Variants in SERGEF observed in about 807,000 individuals in gnomAD.
The protein encoded by SERGEF is secretion regulating guanine nucleotide exchange factor.
SERGEF carries 51 observed loss-of-function variants against 50.0 expected under a neutral mutation model. The ratio of observed to expected loss-of-function variants is 1.02; its 90% CI spans 0.81 to 1.29. The LOEUF is 1.29. Among genes scored for constraint, SERGEF ranks in the 50% most tolerant of loss-of-function variants. SERGEF has a pLI of 0.00. For missense variants in SERGEF, 521 were observed against 557.0 expected (o/e 0.94, Z 0.65); for synonymous variants, 205 against 212.4 (o/e 0.97, Z 0.30).
At chr11:17,829,140 A>C (rs548082713) in intron 10 of SERGEF, among the ~76,000 whole-genome samples, 11 of 152,390 alleles carry the variant, frequency 7.2e-5, no homozygotes, top group South Asian at 2.1e-4. Context: ...AACTGGAATC[A>C]GATAGACCAG....
intron 10 of SERGEF, among the ~76,000 whole-genome samples, chr11:17,820,477 C>T (rs991163370): frequency 6.6e-6 from 1 of 152,158 alleles, no homozygotes. Flanking sequence ...CGGACAAAGC[C>T]AGGTTGCAAT....
chr11:17,919,943 T>C (rs1275802290), intron 9 of SERGEF, among the ~76,000 whole-genome samples: 3 of 120,702 alleles, frequency 2.5e-5, no homozygotes, highest in Non-Finnish European at 5.1e-5. Flanking sequence ...CAAAACTCCA[T>C]CTAAAAAAAA....
In SERGEF at chr11:17,814,112, C is replaced by T. The variant is rs576670252; in HGVS notation, c.1049-25699G>A. 2.0e-5 allele frequency among the ~76,000 whole-genome samples: 3 copies of T among 152,332 alleles called. No homozygotes were observed. In the South Asian group the frequency reaches 6.2e-4, roughly 32 times the overall value. On this transcript the variant is annotated intron_variant, in intron 10 of 10. Coordinates refer to ENST00000265965, the MANE Select transcript of SERGEF (RefSeq NM_012139.4). ...AATGTCTTTGTTGAGAACTCTAACC[C>T]TTACATGGTATGATGGTTAATTTTG...
At chr11:17,964,485 T>C (rs1422429515) in intron 8 of SERGEF, among the ~76,000 whole-genome samples, 1 of 152,082 alleles carries the variant, frequency 6.6e-6, no homozygotes. Context: ...AAAGATAGAT[T>C]AGAGGATCAT....
At position 17,802,438 on chromosome 11, in the gene SERGEF, C is replaced by T. The variant is rs1849688113; in HGVS notation, c.1049-14025G>A. Among the ~76,000 whole-genome samples, 3 of 152,150 alleles carry T rather than the reference C, an allele frequency of 2.0e-5. No homozygotes were observed. In the South Asian group the frequency reaches 6.2e-4, roughly 32 times the overall value. On this transcript the variant is annotated intron_variant, in intron 10 of 10. Coordinates refer to ENST00000265965, the MANE Select transcript of SERGEF (RefSeq NM_012139.4). ...CAGATTCCCCTCCCAGACAAGGGGG[C>T]TAGAGACTTTGAGGCTGAGGCGAGG...
At chr11:17,855,788 G>C (rs2133877054) in intron 10 of SERGEF, 1 of 152,416 alleles carries the variant, frequency 6.6e-6, no homozygotes, top group East Asian at 1.9e-4. Flanking sequence ...GGCCTGGGCT[G>C]AGTGGTGGGA....
intron 7 of SERGEF, among the ~76,000 whole-genome samples, chr11:17,990,503 G>A (rs1008900854): frequency 2.0e-5 from 3 of 152,188 alleles, no homozygotes; most frequent in Non-Finnish European, 4.4e-5. Flanking sequence ...CCATTAAGTG[G>A]ACTGCTGAGC....
At chr11:17,994,310 C>T (rs542596414) in intron 6 of SERGEF, among the ~76,000 whole-genome samples, 3 of 151,818 alleles carry the variant, frequency 2.0e-5, no homozygotes, top group East Asian at 3.9e-4. Context: ...CCTGTCTCTA[C>T]TAAAAATACA....
At chr11:17,801,418 C>T (rs1464623330) in intron 10 of SERGEF, among the ~76,000 whole-genome samples, 2 of 152,146 alleles carry the variant, frequency 1.3e-5, no homozygotes, top group Admixed American at 6.5e-5. Context: ...GAGAACCAGG[C>T]AGTGCAGGAA....
At chr11:17,968,774 GACA>G (rs961276583) in intron 8 of SERGEF, among the ~76,000 whole-genome samples, 1 of 150,332 alleles carries the variant, frequency 6.7e-6, no homozygotes, top group Non-Finnish European at 1.5e-5. Flanking sequence ...GGGAAAGACA[GACA>G]ACAACAACAA....
At chr11:17,923,032 TCTCTC>T (rs1050055366) in intron 9 of SERGEF, among the ~76,000 whole-genome samples, 1 of 152,124 alleles carries the variant, frequency 6.6e-6, no homozygotes, top group African/African-American at 2.4e-5. Flanking sequence ...CCCTTTCACT[TCTCTC>T]CTTCCTCTGA....
chr11:17,893,903 G>A (rs1210501327), intron 9 of SERGEF, among the ~76,000 whole-genome samples: 1 of 152,186 alleles, frequency 6.6e-6, no homozygotes, highest in African/African-American at 2.4e-5. Context: ...CCATGACACT[G>A]AGGGTGTCAG....
At chr11:17,974,057 C>T (rs1244907257) in intron 8 of SERGEF, among the ~76,000 whole-genome samples, 1 of 152,092 alleles carries the variant, frequency 6.6e-6, no homozygotes, top group Admixed American at 6.5e-5. Context: ...AAATGCTTGT[C>T]ACATTCAAAT....
chr11:17,892,850 C>T (rs1268554252), intron 9 of SERGEF, among the ~76,000 whole-genome samples: 1 of 152,192 alleles, frequency 6.6e-6, no homozygotes, highest in Non-Finnish European at 1.5e-5. Context: ...CATACCACTG[C>T]ACTCCAGCCT....
intron 10 of SERGEF, among the ~76,000 whole-genome samples, chr11:17,840,362 G>A (rs1850478048): frequency 6.6e-6 from 1 of 152,104 alleles, no homozygotes; most frequent in African/African-American, 2.4e-5. Flanking sequence ...TATTTCACAT[G>A]GGTATTCACA....
chr11:17,843,463 T>C (rs1463151183), intron 10 of SERGEF, among the ~76,000 whole-genome samples: 1 of 152,200 alleles, frequency 6.6e-6, no homozygotes, highest in Non-Finnish European at 1.5e-5. Flanking sequence ...AAGGAAACTG[T>C]AGTTTAAAGA....
chr11:17,863,607 T>TATTCATTC (rs150695737), intron 10 of SERGEF: 10 of 152,236 alleles, frequency 6.6e-5, no homozygotes, highest in East Asian at 5.8e-4. Flanking sequence ...GTCTGCTTTG[T>TATTCATTC]ATTCATTCAT....
intron 9 of SERGEF, among the ~76,000 whole-genome samples, chr11:17,920,926 T>G (rs576567181): frequency 6.6e-6 from 1 of 152,384 alleles, no homozygotes; most frequent in East Asian, 1.9e-4. Context: ...CTGCCTAGAT[T>G]GTCAAATTAC....
At chr11:18,004,914 C>A (rs211137) in intron 3 of SERGEF, among the ~76,000 whole-genome samples, 1 of 151,978 alleles carries the variant, frequency 6.6e-6, no homozygotes, top group African/African-American at 2.4e-5. Context: ...TAGGGGACAG[C>A]GGTCATGTAA....
Sources: gnomAD v4.1 joint callset for allele counts (sites outside exome capture counted in the v4.1 genomes callset) on GRCh38, gnomAD v4.1.1 for gene constraint, MANE v1.5 for transcripts, NCBI Gene and HGNC (gene_info 2026-07-23, HGNC 2026-07-21) for gene names.